The following NCAPG2 variants were observed in gnomAD, a reference collection of about 807,000 sequenced individuals.
NCAPG2 encodes the protein non-SMC condensin II complex subunit G2, also known as condensin-2 complex subunit G2.
A neutral mutation model predicts 141.1 loss-of-function variants in NCAPG2; 53 were observed. The ratio of observed to expected loss-of-function variants is 0.38; its 90% CI spans 0.30 to 0.47. NCAPG2 has a LOEUF of 0.47. Ranked by LOEUF, NCAPG2 falls within the 20% of genes least tolerant of loss-of-function variation. NCAPG2 has a pLI of 0.99. For missense variants in NCAPG2, 1,087 were observed against 1,389.0 expected, an observed-to-expected ratio of 0.78 and a Z score of 3.46; for synonymous variants, 499 against 490.7, an observed-to-expected ratio of 1.02 and a Z score of -0.22.
At chr7:158,634,668 T>A (rs1480931208) in intron 27 of NCAPG2, among the ~76,000 whole-genome samples, 1 of 152,156 alleles carries the variant, frequency 6.6e-6, no homozygotes, top group Non-Finnish European at 1.5e-5. Flanking sequence ...GCAAAAGTGG[T>A]AAAGCAAACT....
In NCAPG2 at chr7:158,672,307, TATATATATATATATATATATA is replaced by T. The variant is rs1263355973; in HGVS notation, c.1327-662_1327-642del. On this transcript the variant is annotated intron_variant, in intron 12 of 27. Transcript: ENST00000356309. ...GTGTGTGTGTGTATATATATATATA[TATATATATATATATATATATA>T]TTTTTTTTTTTTTTTTTTTTTTTTT... Among the ~76,000 whole-genome samples the T allele has an allele frequency of 2.2e-3, 55 of 24,486 alleles. 1 individual carries two copies. The highest frequency in any genetic ancestry group is 3.5e-3 in the African/African-American group (21 of 6,040). 16.1% of individuals were successfully genotyped at this position (24,486 alleles called of 152,430 possible). A position where few individuals can be genotyped will look rare whatever the true frequency, so the allele number is the denominator to read the frequency against.
chr7:158,686,903 C>G (rs1360036646), intron 7 of NCAPG2, among the ~76,000 whole-genome samples: 1 of 152,162 alleles, frequency 6.6e-6, no homozygotes, highest in Non-Finnish European at 1.5e-5. Flanking sequence ...TGCCTTGTGC[C>G]TGGCAAACGA....
In NCAPG2 at chr7:158,656,287, A is replaced by C; in HGVS notation, c.2361T>G (p.His787Gln). ...TTGACGTTTCAAGGGCTTTCAAAAG[A>C]TGGTTAAGTTTCTTCCGAGGAGCAG... ...LLSAPRKKLN[H>Q]LLKALETSKA... The change falls in exon 19 of 28, where the codon CAT (histidine) becomes CAG (glutamine). Residue 787 changes from histidine (H) to glutamine (Q), a missense_variant. Coordinates refer to ENST00000356309, the MANE Select transcript of NCAPG2 (RefSeq NM_017760.7). 1 of 1,614,132 alleles carries C rather than the reference A, an allele frequency of 6.2e-7. No individual in the cohort carries two copies. Among genetic ancestry groups the C allele is most frequent in the Non-Finnish European group, 8.5e-7 (1 of 1,180,022 alleles).
intron 23 of NCAPG2, among the ~76,000 whole-genome samples, chr7:158,651,374 G>A (rs771351887): frequency 1.3e-5 from 2 of 152,170 alleles, no homozygotes; most frequent in African/African-American, 4.8e-5. Flanking sequence ...TTACATAAAA[G>A]ATCACAGGCA....
At position 158,631,576 on chromosome 7, in the gene NCAPG2, T is replaced by A; in HGVS notation, c.*90A>T. The A allele has an allele frequency of 8.2e-7, 1 of 1,218,306 alleles. No individual in the cohort carries two copies. The highest frequency in any genetic ancestry group is 2.3e-5 in the East Asian group (1 of 42,944). 75.5% of individuals were successfully genotyped at this position (1,218,306 alleles called of 1,614,324 possible). A position where few individuals can be genotyped will look rare whatever the true frequency, so the allele number is the denominator to read the frequency against. The stretch of plus-strand genomic sequence containing the variant: ...CCCACCCTTTCCCTATTATATGGGT[T>A]ATTAACATTAAAAACAATAGGAAAA... On this transcript the variant is annotated 3_prime_UTR_variant, in exon 28 of 28. Transcript: ENST00000356309.
chr7:158,640,238 G>A (rs1230724485), intron 27 of NCAPG2: 1 of 152,144 alleles, frequency 6.6e-6, no homozygotes, highest in Non-Finnish European at 1.5e-5. Context: ...AGAGAGTATA[G>A]CGAAATGTTT....
intron 27 of NCAPG2, chr7:158,641,431 A>G (rs1480637943): frequency 3.5e-6 from 2 of 578,438 alleles, no homozygotes; most frequent in East Asian, 3.0e-5. Flanking sequence ...TAGAAATTAC[A>G]TTAGCTGGGT....
intron 9 of NCAPG2, among the ~76,000 whole-genome samples, chr7:158,682,040 G>A (rs991247324): frequency 1.5e-4 from 23 of 152,206 alleles, no homozygotes; most frequent in African/African-American, 4.1e-4. Flanking sequence ...TGAGTAACAC[G>A]TTTCACTTGA....
intron 5 of NCAPG2, 89 bp from the exon 6 acceptor site, chr7:158,690,042 G>T: frequency 1.8e-6 from 2 of 1,118,776 alleles, no homozygotes. Context: ...ATAAATAATG[G>T]TAATTCTAGT....
At chr7:158,659,127 C>G (rs1283576732) in intron 16 of NCAPG2, among the ~76,000 whole-genome samples, 3 of 150,556 alleles carry the variant, frequency 2.0e-5, no homozygotes, top group Non-Finnish European at 4.4e-5. Context: ...GTTAGGAGTT[C>G]GAGAGCAGCC....
Position 158,645,567 on chromosome 7 carries a change from T to C in NCAPG2, c.3232A>G (p.Ile1078Val). 3.1e-6 allele frequency: 5 copies of C among 1,614,204 alleles called. No homozygotes were observed. The highest frequency in any genetic ancestry group is 4.2e-6 in the Non-Finnish European group (5 of 1,180,036). Residue 1078 changes from isoleucine (I) to valine (V), a missense_variant, in exon 26 of 28, where the codon ATT (isoleucine) becomes GTT (valine). Physicochemically the swap from Ile to Val is conservative, Grantham distance 29 (BLOSUM62 3). Transcript: ENST00000356309. ...TGCACAGCAGCCGTGAGGCACACAA[T>C]GCCTTCAATATCATTAGAAGCCACA... ...ACVASNDIEG[I>V]VCLTAAVHII... is the part of the protein sequence containing the mutation.
intron 2 of NCAPG2, chr7:158,696,400 G>A (rs1369130293): frequency 2.6e-5 from 4 of 152,198 alleles, no homozygotes; most frequent in Non-Finnish European, 5.9e-5. Context: ...GAGGACATAG[G>A]CTGCAGAGGG....
intron 6 of NCAPG2, among the ~76,000 whole-genome samples, chr7:158,689,507 CAGA>C (rs1834993524): frequency 6.6e-6 from 1 of 152,212 alleles, no homozygotes. Context: ...GGAATTAGGG[CAGA>C]AGGCCAGATC....
At position 158,683,317 on chromosome 7, in the gene NCAPG2, G is replaced by T; in HGVS notation, c.907C>A (p.His303Asn). ...AATCTTACCTCCCGCACTTTGGAAT[G>T]CACTGGAGACCTCCTCGGAAGGTGT... ...GIHLPRRSPVHSKVREVLSYF... is the reference protein window; with the variant it reads ...GIHLPRRSPVNSKVREVLSYF... Residue 303 changes from histidine (H) to asparagine (N), a missense_variant, in exon 9 of 28, where the codon CAT (histidine) becomes AAT (asparagine). Coordinates refer to ENST00000356309, the MANE Select transcript of NCAPG2 (RefSeq NM_017760.7). 1 of 1,600,494 alleles carries T rather than the reference G, an allele frequency of 6.2e-7. No homozygotes were observed. Among genetic ancestry groups the T allele is most frequent in the Non-Finnish European group, 8.5e-7 (1 of 1,174,004 alleles).
intron 8 of NCAPG2, among the ~76,000 whole-genome samples, chr7:158,685,705 C>T (rs960662881): frequency 6.6e-6 from 1 of 152,266 alleles, no homozygotes. Context: ...CAAATATTTT[C>T]GATCCTTGGT....
intron 27 of NCAPG2, among the ~76,000 whole-genome samples, chr7:158,637,049 G>T (rs1263611683): frequency 6.6e-6 from 1 of 151,830 alleles, no homozygotes; most frequent in Non-Finnish European, 1.5e-5. Flanking sequence ...CCGGGTTCAT[G>T]CCATTCTCCT....
At chr7:158,658,795 T>TC (rs1832230793) in intron 16 of NCAPG2, among the ~76,000 whole-genome samples, 1 of 152,160 alleles carries the variant, frequency 6.6e-6, no homozygotes, top group Admixed American at 6.5e-5. Flanking sequence ...ACACTTGGTA[T>TC]CCTGAACACA....
At position 158,654,636 on chromosome 7, in the gene NCAPG2, T is replaced by C; in HGVS notation, c.2705A>G (p.Gln902Arg). ...VMVGLGDHQF[Q>R]MQLLQRSLGI... ...AAGACTCCGCTGTAAGAGTTGCATCTGAAACTGATGGTCACCAAGGCCTAC... is the reference window on the plus strand; with the variant it reads ...AAGACTCCGCTGTAAGAGTTGCATCCGAAACTGATGGTCACCAAGGCCTAC... The change falls in exon 22 of 28, where the codon CAG becomes CGG. Residue 902 changes from glutamine (Q) to arginine (R), a missense_variant. Gln to Arg is a conservative substitution (Grantham distance 43). Coordinates refer to ENST00000356309, the MANE Select transcript of NCAPG2 (RefSeq NM_017760.7). 1 of 1,614,122 alleles carries C rather than the reference T, an allele frequency of 6.2e-7. No homozygotes were observed. The highest frequency in any genetic ancestry group is 8.5e-7 in the Non-Finnish European group (1 of 1,180,004).
chr7:158,693,490 G>T lies in NCAPG2; in HGVS notation c.86C>A (p.Ala29Asp). Residue 29 changes from alanine (A) to aspartate (D), a missense_variant, in exon 3 of 28, where the codon GCC (alanine) becomes GAC (aspartate). Physicochemically the swap from Ala to Asp is moderately radical, Grantham distance 126. Transcript: ENST00000356309. ...FLQFVQLDKE[A>D]SDPFSLNELL... ...TTCATTTAGGCTGAAAGGATCAGAGGCCTCTTTCTGTAACATAAATAGCAA... is the reference window on the plus strand; with the variant it reads ...TTCATTTAGGCTGAAAGGATCAGAGTCCTCTTTCTGTAACATAAATAGCAA... The T allele has an allele frequency of 1.2e-6, 2 of 1,608,136 alleles. No homozygotes were observed. Among genetic ancestry groups the T allele is most frequent in the East Asian group, 2.2e-5 (1 of 44,790 alleles).
Sources: gnomAD v4.1 joint callset for allele counts (sites outside exome capture counted in the v4.1 genomes callset) on GRCh38, gnomAD v4.1.1 for gene constraint, MANE v1.5 for transcripts, NCBI Gene and HGNC (gene_info 2026-07-23, HGNC 2026-07-21) for gene names.